LRRN3: variants seen among roughly 807,000 people sequenced by gnomAD.
LRRN3 encodes the protein leucine rich repeat neuronal 3.
Under a neutral mutation model 40.1 loss-of-function variants are expected in LRRN3, and 15 were observed. That is an observed-to-expected ratio of 0.37 (90% CI 0.25 to 0.58). The LOEUF (loss-of-function observed/expected upper bound fraction) is 0.58, where lower values mean the gene tolerates loss of function less well. LRRN3 is among the 20% of genes least tolerant of loss of function. The pLI is 0.72. For synonymous variants in LRRN3, 308 were observed against 297.2 expected, an observed-to-expected ratio of 1.04 and a Z score of -0.37; for missense variants, 746 against 837.7, an observed-to-expected ratio of 0.89 and a Z score of 1.35.
chr7:111,110,313 C>G (rs535080785), intron 2 of LRRN3, among the ~76,000 whole-genome samples: 15 of 152,230 alleles, frequency 9.9e-5, no homozygotes, highest in African/African-American at 3.6e-4. Context: ...AAGAAAACCT[C>G]AAAACTAATA....
At position 111,092,357 on chromosome 7, in the gene LRRN3, A is replaced by G. The variant is rs78285539; in HGVS notation, c.-441+853A>G. Among the ~76,000 whole-genome samples the G allele has an allele frequency of 8.9e-3, 1,352 of 152,288 alleles. 21 individuals are homozygous for G. Among genetic ancestry groups the G allele is most frequent in the African/African-American group, 0.03 (1,226 of 41,556 alleles). ...AAATTGTTTGTTCTAACCAACTGCT[A>G]TATTCCCTTTGCTGTTGTTGAGCTG... On this transcript the variant is annotated intron_variant, in intron 1 of 2. Coordinates refer to ENST00000308478, the MANE Select transcript of LRRN3 (RefSeq NM_001099658.2).
intron 2 of LRRN3, among the ~76,000 whole-genome samples, chr7:111,117,615 C>A (rs879882087): frequency 6.6e-6 from 1 of 152,016 alleles, no homozygotes; most frequent in South Asian, 2.1e-4. Context: ...CAGTCTTTTA[C>A]AAGGATGCAT....
intron 2 of LRRN3, among the ~76,000 whole-genome samples, chr7:111,113,790 A>G (rs1397939219): frequency 6.6e-6 from 1 of 152,180 alleles, no homozygotes; most frequent in East Asian, 1.9e-4. Context: ...GGGAATTTCC[A>G]AATCTAGTTG....
At chr7:111,104,212 G>A (rs1179449567) in intron 2 of LRRN3, among the ~76,000 whole-genome samples, 1 of 151,512 alleles carries the variant, frequency 6.6e-6, no homozygotes, top group African/African-American at 2.4e-5. Context: ...AGCCAATTTT[G>A]CAGAGTTGGA....
chr7:111,123,406 A>T lies in LRRN3; in HGVS notation c.634A>T (p.Ile212Phe). The change falls in exon 3 of 3, where the codon ATC becomes TTC. Residue 212 changes from isoleucine (I) to phenylalanine (F), a missense_variant. By Grantham distance (21) the Ile-to-Phe change is conservative (BLOSUM62 0). Coordinates refer to ENST00000308478, the MANE Select transcript of LRRN3 (RefSeq NM_001099658.2). This position sits in a 1 kb window ranked among gnomAD's most constrained non-coding sequence, Gnocchi z 6.4. ...RIKDMNFKPL[I>F]NLRSLVIAGI... is the part of the protein sequence containing the mutation. ...CAAAGACATGAACTTTAAGCCTCTT[A>T]TCAATCTTCGCAGCCTGGTTATAGC... 1.2e-6 allele frequency: 2 copies of T among 1,613,762 alleles called. No individual in the cohort carries two copies. The highest frequency in any genetic ancestry group is 1.7e-6 in the Non-Finnish European group (2 of 1,179,910).
chr7:111,122,034 A>T (rs1298391925), intron 2 of LRRN3, among the ~76,000 whole-genome samples: 2 of 144,550 alleles, frequency 1.4e-5, no homozygotes, highest in Non-Finnish European at 3.0e-5. Context: ...AACAATGAGA[A>T]CACATGGACA....
At chr7:111,098,289 G>T (rs10261004) in intron 1 of LRRN3, among the ~76,000 whole-genome samples, 112,785 of 151,716 alleles carry the variant, frequency 0.74, 42,864 homozygotes, top group Non-Finnish European at 0.81. Context: ...CACAGTTGTT[G>T]AAAGAGTTTC....
chr7:111,098,019 C>T (rs1321422113), intron 1 of LRRN3, among the ~76,000 whole-genome samples: 1 of 151,614 alleles, frequency 6.6e-6, no homozygotes. Flanking sequence ...AAAGAAAGTG[C>T]AACAGAACAG....
Position 111,125,007 on chromosome 7 carries a change from A to C in LRRN3, c.*108A>C, listed in dbSNP as rs1286364849. 1 of 821,444 alleles carries C rather than the reference A, an allele frequency of 1.2e-6. No individual in the cohort carries two copies. The highest frequency in any genetic ancestry group is 1.9e-6 in the Non-Finnish European group (1 of 537,600). 50.9% of individuals were successfully genotyped at this position (821,444 alleles called of 1,614,324 possible). A position where few individuals can be genotyped will look rare whatever the true frequency, so the allele number is the denominator to read the frequency against. Reference sequence around the variant, plus strand: ...CAAACAAACAAACAAAAAAGTAAAAAAAGATTACTTTCGAGAGAGAAGTTT... The same window carrying C: ...CAAACAAACAAACAAAAAAGTAAAACAAGATTACTTTCGAGAGAGAAGTTT... On this transcript the variant is annotated 3_prime_UTR_variant, in exon 3 of 3. Coordinates refer to ENST00000308478, the MANE Select transcript of LRRN3 (RefSeq NM_001099658.2).
Position 111,124,726 on chromosome 7 carries a change from GA to G in LRRN3, c.1957del (p.Met653Ter). On this transcript the variant is annotated frameshift_variant, in exon 3 of 3. Coordinates refer to ENST00000308478, the MANE Select transcript of LRRN3 (RefSeq NM_001099658.2). LOFTEE classifies it high-confidence loss of function. ...ATGTCTTATCAGCTGCCTCTCTCCA[GA>G]AATGAACTGTGATGGTGGACACAGC... ...VICLISCLSP[E>X]MNCDGGHSYV... 1 of 1,613,962 alleles carries G rather than the reference GA, an allele frequency of 6.2e-7. No individual in the cohort carries two copies. Among genetic ancestry groups the G allele is most frequent in the South Asian group, 1.1e-5 (1 of 91,074 alleles).
intron 2 of LRRN3, among the ~76,000 whole-genome samples, chr7:111,119,502 A>T (rs1800320902): frequency 2.0e-5 from 3 of 152,208 alleles, no homozygotes; most frequent in African/African-American, 4.8e-5. Flanking sequence ...TAATAGATTA[A>T]CTTTTCTCTT....
chr7:111,092,407 A>G (rs188409782), intron 1 of LRRN3, among the ~76,000 whole-genome samples: 1 of 152,286 alleles, frequency 6.6e-6, no homozygotes, highest in Non-Finnish European at 1.5e-5. Context: ...GCTCTAATTT[A>G]TTCATTTTTA....
intron 2 of LRRN3, among the ~76,000 whole-genome samples, chr7:111,103,791 T>C (rs1440066376): frequency 6.6e-6 from 1 of 151,622 alleles, no homozygotes; most frequent in Non-Finnish European, 1.5e-5. Flanking sequence ...TTTCACAACA[T>C]TCCTTTCAAG....
chr7:111,095,759 C>T (rs1200803095), intron 1 of LRRN3, among the ~76,000 whole-genome samples: 1 of 151,962 alleles, frequency 6.6e-6, no homozygotes, highest in African/African-American at 2.4e-5. Flanking sequence ...CTTGGTTTCA[C>T]TGTAAATAAT....
chr7:111,107,969 C>T (rs1798737679), intron 2 of LRRN3, among the ~76,000 whole-genome samples: 1 of 152,158 alleles, frequency 6.6e-6, no homozygotes, highest in Non-Finnish European at 1.5e-5. Flanking sequence ...TCTCAACTTA[C>T]AGCAGATATT....
chr7:111,103,075 T>G (rs552817655), intron 2 of LRRN3, among the ~76,000 whole-genome samples: 1 of 151,642 alleles, frequency 6.6e-6, no homozygotes, highest in African/African-American at 2.4e-5. Flanking sequence ...TCTCTCTTAT[T>G]TGTACTCTAA....
At chr7:111,119,997 C>G (rs111650385) in intron 2 of LRRN3, among the ~76,000 whole-genome samples, 6,241 of 152,156 alleles carry the variant, frequency 0.041, 184 homozygotes, top group South Asian at 0.08. Flanking sequence ...TAATTTAAAA[C>G]AAAGAAAGAA....
chr7:111,116,717 C>T (rs1799922470), intron 2 of LRRN3, among the ~76,000 whole-genome samples: 1 of 152,136 alleles, frequency 6.6e-6, no homozygotes, highest in Non-Finnish European at 1.5e-5. Flanking sequence ...TTCCACAATA[C>T]TCAACTGCCT....
At chr7:111,099,775 T>C (rs184882126) in intron 1 of LRRN3, 106 bp from the exon 2 acceptor site, 2 of 151,718 alleles carry the variant, frequency 1.3e-5, no homozygotes, top group Admixed American at 6.6e-5. Flanking sequence ...GGTTAAAGTA[T>C]TGTGAATCAT....
Sources: allele counts gnomAD v4.1 joint callset (sites outside exome capture counted in the v4.1 genomes callset), GRCh38; gene constraint gnomAD v4.1.1; non-coding constraint Gnocchi (gnomAD v3.1); transcripts MANE v1.5; gene names NCBI Gene and HGNC (gene_info 2026-07-23, HGNC 2026-07-21).